The following MCM3 variants were observed in gnomAD, a reference collection of about 807,000 sequenced individuals.
The protein encoded by MCM3 is minichromosome maintenance complex component 3, also known as DNA replication licensing factor MCM3.
Under a neutral mutation model 91.3 loss-of-function variants are expected in MCM3, and 59 were observed. The ratio of observed to expected loss-of-function variants is 0.65; its 90% CI spans 0.52 to 0.80. The LOEUF is 0.80. MCM3 is among the 30% of genes least tolerant of loss of function. The probability of loss-of-function intolerance (pLI) is 0.00; values close to 1 mark genes in which losing one functional copy is unlikely to be tolerated. For synonymous variants in MCM3, 383 were observed against 379.6 expected (o/e 1.01, Z -0.10); for missense variants, 919 against 1,035.4 (o/e 0.89, Z 1.54).
intron 5 of MCM3, among the ~76,000 whole-genome samples, 197 bp downstream of exon 5, chr6:52,279,163 AT>A (rs1394525983): frequency 6.6e-6 from 1 of 152,124 alleles, no homozygotes; most frequent in African/African-American, 2.4e-5. Flanking sequence ...AATAACTCTC[AT>A]TTTTGGCATA....
chr6:52,275,936 T>A (rs1234534387), intron 9 of MCM3: 1 of 187,848 alleles, frequency 5.3e-6, no homozygotes, highest in African/African-American at 2.3e-5. Context: ...GCAAGTCTTT[T>A]CGTTTTCATA....
intron 6 of MCM3, among the ~76,000 whole-genome samples, chr6:52,278,157 T>C (rs1765760309): frequency 1.3e-5 from 2 of 151,708 alleles, no homozygotes; most frequent in African/African-American, 4.8e-5. Context: ...AAAATTATTT[T>C]CTAAGACAAA....
In MCM3 at chr6:52,277,997, G is replaced by A. The variant is rs1015889614; in HGVS notation, c.880-309C>T. 8.9e-5 allele frequency among the ~76,000 whole-genome samples: 13 copies of A among 146,020 alleles called. 1 individual carries two copies. Among genetic ancestry groups the A allele is most frequent in the Middle Eastern group, 3.8e-3 (1 of 260 alleles). On this transcript the variant is annotated intron_variant, in intron 6 of 16. Transcript: ENST00000596288. ...GCAGGAGAATCACTTAAACCCAAGA[G>A]GCGGAGGTTGCAGTGAGCAGAGATC... is the stretch of plus-strand genomic sequence containing the variant.
chr6:52,282,485 C>T (rs1023299540), intron 3 of MCM3, among the ~76,000 whole-genome samples, 168 bp downstream of exon 3: 2 of 152,160 alleles, frequency 1.3e-5, no homozygotes, highest in East Asian at 3.9e-4. Context: ...CATGTGATTA[C>T]TCAAGGTCCC....
In MCM3 at chr6:52,264,678, G is replaced by A. The variant is rs1209752715; in HGVS notation, c.2337C>T (p.Pro779=). ...TESINRDSEE[P]FSSVEIQAAL... is the part of the protein sequence containing the mutation. ...CAGCCTGGATCTCAACTGAAGAGAA[G>A]GGCTCTTCGCTGTCCCGGTTGATGG... Residue 779 remains proline (P), a synonymous_variant, in exon 17 of 17, where the codon CCC becomes CCT. Transcript: ENST00000596288. 1.2e-6 allele frequency: 2 copies of A among 1,614,182 alleles called. No homozygotes were observed. The highest frequency in any genetic ancestry group is 1.1e-5 in the South Asian group (1 of 91,078).
At chr6:52,268,550 TAGGAAA>T (rs1764826570) in intron 13 of MCM3, among the ~76,000 whole-genome samples, 2 of 152,030 alleles carry the variant, frequency 1.3e-5, no homozygotes, top group Admixed American at 6.6e-5. Flanking sequence ...AGTGGGCAAC[TAGGAAA>T]AGGGAGTCTA....
In MCM3 at chr6:52,264,364, T is replaced by C; in HGVS notation, c.*224A>G. 1 of 537,118 alleles carries C rather than the reference T, an allele frequency of 1.9e-6. No homozygotes were observed. Among genetic ancestry groups the C allele is most frequent in the Admixed American group, 3.2e-5 (1 of 31,464 alleles). The allele number at this position is 537,118 out of a possible 1,614,324, so 33.3% of individuals were successfully genotyped here. ...TTTGCAATGAAGATGCAATAGTCATTGTCCTCTCCCACTGTCTCCTCTTTC... is the reference window on the plus strand; with the variant it reads ...TTTGCAATGAAGATGCAATAGTCATCGTCCTCTCCCACTGTCTCCTCTTTC... On this transcript the variant is annotated 3_prime_UTR_variant, in exon 17 of 17. Coordinates refer to ENST00000596288, the MANE Select transcript of MCM3 (RefSeq NM_002388.6).
Position 52,264,657 on chromosome 6 carries a change from C to T in MCM3, c.2358G>A (p.Gln786=). The change falls in exon 17 of 17, where the codon CAG becomes CAA. Residue 786 remains glutamine (Q), a synonymous_variant. Transcript: ENST00000596288. ...CATCCTGCATCTTGCTCAGAGCAGC[C>T]TGGATCTCAACTGAAGAGAAGGGCT... The part of the protein sequence containing the change: ...SEEPFSSVEI[Q]AALSKMQDDN... The T allele has an allele frequency of 6.2e-7, 1 of 1,614,190 alleles. No individual in the cohort carries two copies. The highest frequency in any genetic ancestry group is 8.5e-7 in the Non-Finnish European group (1 of 1,180,044).
At position 52,282,795 on chromosome 6, in the gene MCM3, G is replaced by A; in HGVS notation, c.258C>T (p.Ser86=). 6.2e-7 allele frequency: 1 copy of A among 1,614,050 alleles called. No homozygotes were observed. ...FQRALKDFVA[S]IDATYAKQYE... ...ACTGCTTGGCATAGGTAGCATCAAT[G>A]GAGGCCACAAAATCCTTTAAGGCCC... Residue 86 remains serine (S), a synonymous_variant, in exon 3 of 17, where the codon TCC becomes TCT. Transcript: ENST00000596288.
At chr6:52,267,676 C>A (rs1012097428) in intron 14 of MCM3, among the ~76,000 whole-genome samples, 189 bp downstream of exon 14, 4 of 151,096 alleles carry the variant, frequency 2.6e-5, no homozygotes, top group Non-Finnish European at 5.9e-5. Context: ...CACAAGTGTC[C>A]GCCACCACGC....
Position 52,283,342 on chromosome 6 carries a change from A to T in MCM3, c.143T>A (p.Ile48Asn), listed in dbSNP as rs1299870343. 4 of 1,614,060 alleles carry T rather than the reference A, an allele frequency of 2.5e-6. No individual in the cohort carries two copies. The highest frequency in any genetic ancestry group is 3.4e-6 in the Non-Finnish European group (4 of 1,180,026). Residue 48 changes from isoleucine to asparagine, a missense_variant, in exon 2 of 17, where the codon ATT (isoleucine) becomes AAT (asparagine). Coordinates refer to ENST00000596288, the MANE Select transcript of MCM3 (RefSeq NM_002388.6). ...CCTGCGCAGGTCATTCACATTGACA[A>T]TCAGCCGGTATTGGTTGTCACTGAT... ...ELISDNQYRL[I>N]VNVNDLRRKN...
Position 52,264,307 on chromosome 6 carries a change from G to A in MCM3, c.*281C>T, listed in dbSNP as rs1764467375. 1 of 397,212 alleles carries A rather than the reference G, an allele frequency of 2.5e-6. No individual in the cohort carries two copies. Among genetic ancestry groups the A allele is most frequent in the African/African-American group, 2.0e-5 (1 of 49,380 alleles). 24.6% of individuals were successfully genotyped at this position (397,212 alleles called of 1,614,324 possible). A position where few individuals can be genotyped will look rare whatever the true frequency, so the allele number is the denominator to read the frequency against. On this transcript the variant is annotated 3_prime_UTR_variant, in exon 17 of 17. Transcript: ENST00000596288. The stretch of plus-strand genomic sequence containing the variant: ...ATGTTATTTACAATTGGGTTTGTGT[G>A]GGATGGGAAGTAGGGCGGATGAGCC...
intron 11 of MCM3, among the ~76,000 whole-genome samples, 161 bp downstream of exon 11, chr6:52,273,069 T>C (rs1562382589): frequency 6.6e-6 from 1 of 152,220 alleles, no homozygotes; most frequent in African/African-American, 2.4e-5. Flanking sequence ...ATAAAGGATA[T>C]ATTGTGGACC....
rs764246853 is a variant in MCM3 at position 52,273,368 on chromosome 6, A to C, written c.1550-12T>G. 4 of 1,613,952 alleles carry C rather than the reference A, an allele frequency of 2.5e-6. No homozygotes were observed. The highest frequency in any genetic ancestry group is 3.4e-6 in the Non-Finnish European group (4 of 1,179,892). ...ACCCAAGGGCATAGCTGGTATACCC[A>C]AGTTAGGAGAAAGGAGAGTAATAAA... On this transcript the variant is annotated splice_polypyrimidine_tract_variant and intron_variant, in intron 10 of 16. Coordinates refer to ENST00000596288, the MANE Select transcript of MCM3 (RefSeq NM_002388.6).
In MCM3 at chr6:52,279,341, C is replaced by T; in HGVS notation, c.770+20G>A. ...GAAGCTGTCAACAGCATTCCATATACTTTAAGGCAGACCCTTTACCTGAAG... is the reference window on the plus strand; with the variant it reads ...GAAGCTGTCAACAGCATTCCATATATTTTAAGGCAGACCCTTTACCTGAAG... On this transcript the variant is annotated intron_variant, in intron 5 of 16. Transcript: ENST00000596288. 1.3e-6 allele frequency: 2 copies of T among 1,595,874 alleles called. No homozygotes were observed. The highest frequency in any genetic ancestry group is 1.1e-5 in the South Asian group (1 of 90,528).
chr6:52,282,094 TC>T lies in MCM3; in HGVS notation c.481del (p.Asp161IlefsTer100). The T allele has an allele frequency of 6.2e-7, 1 of 1,613,946 alleles. No individual in the cohort carries two copies. The highest frequency in any genetic ancestry group is 8.5e-7 in the Non-Finnish European group (1 of 1,179,918). Reference sequence around the variant, plus strand: ...GGGAAAGGCCACCAGGGTGGTGAGATCAGAATAACGTCGCTCTATGGTCTTC... The same window carrying T: ...GGGAAAGGCCACCAGGGTGGTGAGATAGAATAACGTCGCTCTATGGTCTTC... Reference protein sequence around the residue: ...TKKTIERRYSDLTTLVAFPSS... With the variant: ...TKKTIERRYSXLTTLVAFPSS... On this transcript the variant is annotated frameshift_variant, in exon 4 of 17. Transcript: ENST00000596288. LOFTEE classifies it high-confidence loss of function.
intron 13 of MCM3, among the ~76,000 whole-genome samples, chr6:52,268,747 A>G (rs893660776): frequency 2.0e-5 from 3 of 152,140 alleles, no homozygotes; most frequent in Admixed American, 6.5e-5. Flanking sequence ...TTACCAAGGT[A>G]GCTCTTTTGA....
At chr6:52,281,993 G>A in intron 4 of MCM3, 52 bp downstream of exon 4, 1 of 1,591,528 alleles carries the variant, frequency 6.3e-7, no homozygotes, top group Non-Finnish European at 8.6e-7. Context: ...CCTTAAAACA[G>A]GTATCTTTGA....
Position 52,272,375 on chromosome 6 carries a change from C to T in MCM3, c.1753G>A (p.Glu585Lys). The T allele has an allele frequency of 3.7e-6, 6 of 1,614,162 alleles. No homozygotes were observed. The highest frequency in any genetic ancestry group is 5.1e-6 in the Non-Finnish European group (6 of 1,180,038). The change falls in exon 12 of 17, where the codon GAG becomes AAG. Residue 585 changes from glutamate to lysine, a missense_variant. This residue lies in a region of MCM3 where 285 missense variants were observed against 311.4 expected (regional missense o/e 0.92). Coordinates refer to ENST00000596288, the MANE Select transcript of MCM3 (RefSeq NM_002388.6). ...AKIIKPVLTQESATYIAEEYS... is the reference protein window; with the variant it reads ...AKIIKPVLTQKSATYIAEEYS... The stretch of plus-strand genomic sequence containing the variant: ...TCTTCTGCAATGTAGGTGGCCGACT[C>T]CTGTGTCAGGACAGGCTTGATGATT...
Sources: allele counts gnomAD v4.1 joint callset (sites outside exome capture counted in the v4.1 genomes callset), GRCh38; gene constraint gnomAD v4.1.1; regional missense constraint gnomAD v4.1.1; transcripts MANE v1.5; gene names NCBI Gene and HGNC (gene_info 2026-07-23, HGNC 2026-07-21).